The following ZFYVE28 variants were observed in gnomAD, a reference collection of about 807,000 sequenced individuals.
ZFYVE28 encodes zinc finger FYVE-type containing 28, also known as lateral signaling target protein 2 homolog.
A neutral mutation model predicts 82.1 loss-of-function variants in ZFYVE28; 40 were observed. That is an observed-to-expected ratio of 0.49 (90% CI 0.38 to 0.63). The LOEUF (loss-of-function observed/expected upper bound fraction) is 0.63. Among genes scored for constraint, ZFYVE28 ranks in the 30% least tolerant of loss-of-function variants. The pLI is 0.00. For synonymous variants in ZFYVE28, 612 were observed against 546.1 expected, an observed-to-expected ratio of 1.12 and a Z score of -1.68; for missense variants, 1,321 against 1,242.1, an observed-to-expected ratio of 1.06 and a Z score of -0.96.
intron 10 of ZFYVE28, among the ~76,000 whole-genome samples, chr4:2,272,754 C>T (rs186839133): frequency 1.3e-5 from 2 of 152,284 alleles, no homozygotes; most frequent in African/African-American, 2.4e-5. Flanking sequence ...GTAGAAGAGA[C>T]GTGGCACCAC....
intron 2 of ZFYVE28, among the ~76,000 whole-genome samples, chr4:2,352,361 C>G (rs1032204831): frequency 1.6e-4 from 24 of 150,104 alleles, no homozygotes; most frequent in Admixed American, 1.6e-3. Flanking sequence ...AAGGACTGGG[C>G]GTGGGACCCA....
In ZFYVE28 at chr4:2,339,401, C is replaced by T; in HGVS notation, c.521+52G>A. 1.3e-6 allele frequency: 2 copies of T among 1,574,244 alleles called. No homozygotes were observed. The highest frequency in any genetic ancestry group is 2.7e-5 in the African/African-American group (2 of 74,516). On this transcript the variant is annotated intron_variant, in intron 4 of 12. Transcript: ENST00000290974. This position sits in a 1 kb window ranked among gnomAD's most constrained non-coding sequence, Gnocchi z 5.0. Reference sequence around the variant, plus strand: ...TCAGGGTGAGCCCCGGAAGCTGGCACAACCGTCCCCCAGCTCATACAGCCA... The same window carrying T: ...TCAGGGTGAGCCCCGGAAGCTGGCATAACCGTCCCCCAGCTCATACAGCCA...
chr4:2,324,201 G>C (rs1362145109), intron 6 of ZFYVE28, among the ~76,000 whole-genome samples: 1 of 152,160 alleles, frequency 6.6e-6, no homozygotes, highest in Admixed American at 6.5e-5. Flanking sequence ...CCAATCCAAG[G>C]AGTCTGGAAG....
At chr4:2,398,399 C>T (rs555583604) in intron 1 of ZFYVE28, among the ~76,000 whole-genome samples, 1 of 152,190 alleles carries the variant, frequency 6.6e-6, no homozygotes, top group African/African-American at 2.4e-5. Context: ...AGTGGCAGCT[C>T]GAGAGATGGC....
At chr4:2,370,859 G>A (rs1727469864) in intron 1 of ZFYVE28, among the ~76,000 whole-genome samples, 1 of 152,314 alleles carries the variant, frequency 6.6e-6, no homozygotes. Flanking sequence ...GGAGGGATGG[G>A]CACCCAACCC....
intron 1 of ZFYVE28, among the ~76,000 whole-genome samples, chr4:2,365,922 G>A (rs1188445778): frequency 1.3e-5 from 2 of 152,350 alleles, no homozygotes; most frequent in East Asian, 3.9e-4. Flanking sequence ...CTACAGGAGG[G>A]GTGGAGGTGG....
intron 1 of ZFYVE28, among the ~76,000 whole-genome samples, chr4:2,363,159 T>C (rs1726393112): frequency 6.6e-6 from 1 of 151,974 alleles, no homozygotes; most frequent in South Asian, 2.1e-4. Context: ...CATATGACCG[T>C]TGACCGGTCA....
At chr4:2,403,098 T>A (rs897371823) in intron 1 of ZFYVE28, among the ~76,000 whole-genome samples, 3 of 152,232 alleles carry the variant, frequency 2.0e-5, no homozygotes, top group Non-Finnish European at 4.4e-5. Flanking sequence ...CCTTTCCCCG[T>A]GGCCGCCTGA....
intron 2 of ZFYVE28, among the ~76,000 whole-genome samples, chr4:2,346,135 T>C (rs1723517014): frequency 6.8e-6 from 1 of 148,148 alleles, no homozygotes; most frequent in Non-Finnish European, 1.5e-5. Flanking sequence ...GAGACCATCC[T>C]GGCTAATACG....
Position 2,304,397 on chromosome 4 carries a change from C to T in ZFYVE28, c.1943G>A (p.Gly648Glu), listed in dbSNP as rs765743666. 14 of 1,613,090 alleles carry T rather than the reference C, an allele frequency of 8.7e-6. No homozygotes were observed. Among genetic ancestry groups the T allele is most frequent in the Admixed American group, 6.7e-5 (4 of 60,010 alleles). Residue 648 changes from glycine to glutamate, a missense_variant, in exon 8 of 13, where the codon GGG becomes GAG. Physicochemically the swap from Gly to Glu is moderately conservative, Grantham distance 98. Coordinates refer to ENST00000290974, the MANE Select transcript of ZFYVE28 (RefSeq NM_020972.3). ...TSGSQVDTAS[G>E]LQGEAGVAGQ... ...TGCAACCCCAGCCTCTCCTTGCAGC[C>T]CACTCGCTGTGTCCACCTGGGAACC...
intron 6 of ZFYVE28, among the ~76,000 whole-genome samples, chr4:2,334,256 C>T (rs1009138958): frequency 6.6e-6 from 1 of 152,106 alleles, no homozygotes; most frequent in Non-Finnish European, 1.5e-5. Flanking sequence ...ATAGAGACCA[C>T]GCTGGAGCCC....
intron 7 of ZFYVE28, among the ~76,000 whole-genome samples, chr4:2,319,465 A>G (rs1438220848): frequency 1.3e-5 from 2 of 152,120 alleles, no homozygotes; most frequent in Non-Finnish European, 2.9e-5. Flanking sequence ...TCTGGCCCTC[A>G]TGGGGCAGAG....
chr4:2,359,053 C>T (rs1386771378), intron 1 of ZFYVE28, among the ~76,000 whole-genome samples: 1 of 150,590 alleles, frequency 6.6e-6, no homozygotes, highest in African/African-American at 2.5e-5. Context: ...CAGCTCACTG[C>T]AAGCTCAGCC....
At chr4:2,368,497 C>G (rs1560295045) in intron 1 of ZFYVE28, among the ~76,000 whole-genome samples, 1 of 136,210 alleles carries the variant, frequency 7.3e-6, no homozygotes, top group Non-Finnish European at 1.6e-5. Context: ...CCGGAAGAAA[C>G]CACACCTGTT....
In ZFYVE28 at chr4:2,300,350, A is replaced by T. The variant is rs1051009761; in HGVS notation, c.2051+3939T>A. Among the ~76,000 whole-genome samples the T allele has an allele frequency of 2.0e-5, 3 of 152,192 alleles. No homozygotes were observed. Among genetic ancestry groups the T allele is most frequent in the Admixed American group, 2.0e-4 (3 of 15,284 alleles). ...CTAGCTGAAGGGAAAATAAGCTTTT[A>T]AAAAATGTCAACTTCTCCAAAAGGA... On this transcript the variant is annotated intron_variant, in intron 8 of 12. Coordinates refer to ENST00000290974, the MANE Select transcript of ZFYVE28 (RefSeq NM_020972.3). This position sits in a 1 kb window ranked among gnomAD's most constrained non-coding sequence, Gnocchi z 4.6.
At chr4:2,404,124 TC>T (rs1314269901) in intron 1 of ZFYVE28, among the ~76,000 whole-genome samples, 1 of 151,300 alleles carries the variant, frequency 6.6e-6, no homozygotes, top group East Asian at 1.9e-4. Context: ...ATCGAGACCA[TC>T]CTGGCTAACA....
Position 2,300,555 on chromosome 4 carries a change from G to C in ZFYVE28, c.2051+3734C>G, listed in dbSNP as rs1323718432. 6.6e-6 allele frequency among the ~76,000 whole-genome samples: 1 copy of C among 152,154 alleles called. No homozygotes were observed. The highest frequency in any genetic ancestry group is 1.5e-5 in the Non-Finnish European group (1 of 68,034). ...CCAGAGAGGGGCTCCTCCTGGCTGG[G>C]ACCCTCACGCCAGGACTCCAGTGGG... On this transcript the variant is annotated intron_variant, in intron 8 of 12. Coordinates refer to ENST00000290974, the MANE Select transcript of ZFYVE28 (RefSeq NM_020972.3). This position sits in a 1 kb window ranked among gnomAD's most constrained non-coding sequence, Gnocchi z 4.6.
chr4:2,327,907 T>C (rs1380421086), intron 6 of ZFYVE28, among the ~76,000 whole-genome samples: 3 of 152,206 alleles, frequency 2.0e-5, no homozygotes, highest in South Asian at 2.1e-4. Context: ...AGATGAAAGA[T>C]AAGTGTTACC....
chr4:2,356,017 C>G (rs1480327842), intron 1 of ZFYVE28, among the ~76,000 whole-genome samples: 1 of 152,252 alleles, frequency 6.6e-6, no homozygotes, highest in African/African-American at 2.4e-5. Flanking sequence ...GCCGTTTCCT[C>G]CGTGTGCTCT....
Sources: allele counts gnomAD v4.1 joint callset (sites outside exome capture counted in the v4.1 genomes callset), GRCh38; gene constraint gnomAD v4.1.1; non-coding constraint Gnocchi (gnomAD v3.1); transcripts MANE v1.5; gene names NCBI Gene and HGNC (gene_info 2026-07-23, HGNC 2026-07-21).